The following GLCCI1 variants were observed in gnomAD, a reference collection of about 807,000 sequenced individuals.
GLCCI1 encodes glucocorticoid-induced transcript 1 protein.
Under a neutral mutation model 52.2 loss-of-function variants are expected in GLCCI1, and 24 were observed. The observed-to-expected ratio is 0.46, with a 90% CI of 0.33 to 0.65. The LOEUF (loss-of-function observed/expected upper bound fraction) is 0.65, where lower values mean the gene tolerates loss of function less well. Ranked by LOEUF, GLCCI1 falls within the 30% of genes least tolerant of loss-of-function variation. The pLI, the probability that GLCCI1 is intolerant of heterozygous loss-of-function variation, is 0.02. For synonymous variants in GLCCI1, 310 were observed against 276.5 expected (o/e 1.12, Z -1.20); for missense variants, 704 against 701.5 (o/e 1.00, Z -0.04).
chr7:8,020,001 C>A (rs1207486751), intron 2 of GLCCI1, among the ~76,000 whole-genome samples: 2 of 152,134 alleles, frequency 1.3e-5, no homozygotes, highest in East Asian at 3.9e-4. Flanking sequence ...ACTTTTCTTT[C>A]TTCAGTAATG....
chr7:8,034,727 A>G (rs1781828212), intron 3 of GLCCI1, among the ~76,000 whole-genome samples: 2 of 152,326 alleles, frequency 1.3e-5, no homozygotes, highest in African/African-American at 2.4e-5. Context: ...ACACAGAAAA[A>G]GAAGGAAAAA....
chr7:8,025,728 C>T (rs980752738), intron 3 of GLCCI1, among the ~76,000 whole-genome samples: 4 of 152,166 alleles, frequency 2.6e-5, no homozygotes, highest in Non-Finnish European at 5.9e-5. Flanking sequence ...TGGGTCATCA[C>T]ATGTAGGGGA....
intron 6 of GLCCI1, among the ~76,000 whole-genome samples, chr7:8,077,965 T>G (rs1194540459): frequency 1.3e-5 from 2 of 152,066 alleles, no homozygotes; most frequent in African/African-American, 2.4e-5. Context: ...CCGGGCGCGG[T>G]GGCTCACGCC....
chr7:8,021,265 C>T (rs1250950430), intron 2 of GLCCI1, among the ~76,000 whole-genome samples: 2 of 152,026 alleles, frequency 1.3e-5, no homozygotes, highest in African/African-American at 2.4e-5. Flanking sequence ...TAAATGATAC[C>T]TTTTTCAGCA....
At chr7:8,038,051 A>G (rs1420407270) in intron 3 of GLCCI1, among the ~76,000 whole-genome samples, 1 of 152,204 alleles carries the variant, frequency 6.6e-6, no homozygotes, top group Non-Finnish European at 1.5e-5. Context: ...CCTGGTAGAA[A>G]TTTACAGAAT....
intron 1 of GLCCI1, among the ~76,000 whole-genome samples, chr7:7,984,211 C>T (rs1161314926): frequency 6.6e-6 from 1 of 152,112 alleles, no homozygotes; most frequent in Admixed American, 6.5e-5. Context: ...CAGGCATGTG[C>T]CACCACACCT....
chr7:7,987,433 C>T (rs1013993022), intron 1 of GLCCI1, among the ~76,000 whole-genome samples: 5 of 152,198 alleles, frequency 3.3e-5, no homozygotes, highest in Non-Finnish European at 1.5e-5. Flanking sequence ...AGACACTTGT[C>T]ATCTCATCTG....
chr7:8,002,351 G>A (rs535508345), intron 1 of GLCCI1, among the ~76,000 whole-genome samples: 9 of 152,080 alleles, frequency 5.9e-5, no homozygotes, highest in Non-Finnish European at 7.4e-5. Context: ...TTCATGAAAC[G>A]TTTATAAAAA....
chr7:7,999,153 G>A (rs906960408), intron 1 of GLCCI1, among the ~76,000 whole-genome samples: 1 of 151,940 alleles, frequency 6.6e-6, no homozygotes, highest in Admixed American at 6.6e-5. Context: ...TGTAGAGCAT[G>A]TGATCTTTTT....
chr7:8,060,531 T>C (rs1430384048), intron 5 of GLCCI1, among the ~76,000 whole-genome samples: 1 of 152,204 alleles, frequency 6.6e-6, no homozygotes, highest in Non-Finnish European at 1.5e-5. Context: ...ACTAATCTGT[T>C]GATGGATTTT....
intron 3 of GLCCI1, among the ~76,000 whole-genome samples, chr7:8,049,543 C>T (rs1782210936): frequency 6.6e-6 from 1 of 151,982 alleles, no homozygotes. Flanking sequence ...AAAAACCAGA[C>T]CCAATAGGAA....
chr7:8,061,657 CTTTTTTTTTTTTTTT>C (rs61377819), intron 5 of GLCCI1, among the ~76,000 whole-genome samples: 22 of 78,384 alleles, frequency 2.8e-4, no homozygotes, highest in African/African-American at 1.2e-3. Context: ...CCATTGAACT[CTTTTTTTTTTTTTTT>C]TTTTTTTTTT....
chr7:8,069,673 G>C (rs1294693805), intron 5 of GLCCI1, among the ~76,000 whole-genome samples: 3 of 151,910 alleles, frequency 2.0e-5, no homozygotes, highest in Admixed American at 6.6e-5. Context: ...TCTACTCCAA[G>C]GGCAGCAGGG....
chr7:8,028,982 C>T (rs528717128), intron 3 of GLCCI1, among the ~76,000 whole-genome samples: 1 of 152,102 alleles, frequency 6.6e-6, no homozygotes, highest in South Asian at 2.1e-4. Context: ...AAAGAAAAGC[C>T]TGGGACCCAA....
In GLCCI1 at chr7:8,086,018, A is replaced by C. The variant is rs569150841; in HGVS notation, c.1299-175A>C. Among the ~76,000 whole-genome samples the C allele has an allele frequency of 6.6e-6, 1 of 152,230 alleles. No homozygotes were observed. Among genetic ancestry groups the C allele is most frequent in the African/African-American group, 2.4e-5 (1 of 41,526 alleles). On this transcript the variant is annotated intron_variant, in intron 7 of 7. Transcript: ENST00000223145. The surrounding 1 kb of genome is among the most constrained non-coding windows in gnomAD (Gnocchi z 4.4). The stretch of plus-strand genomic sequence containing the variant: ...CAAATACCACTTCAGTGCTGTGTGC[A>C]TGAATAGTCTGCCAGCTGACTTGTG...
At chr7:7,981,354 ACT>A (rs1780615624) in intron 1 of GLCCI1, 3 of 225,934 alleles carry the variant, frequency 1.3e-5, no homozygotes, top group East Asian at 1.7e-4. Context: ...ATGGAGTCTC[ACT>A]CTGTTGCTTA....
At chr7:8,059,884 G>A (rs1440438489) in intron 4 of GLCCI1, among the ~76,000 whole-genome samples, 1 of 152,012 alleles carries the variant, frequency 6.6e-6, no homozygotes, top group Non-Finnish European at 1.5e-5. Context: ...TTACATAAAG[G>A]GATTTGAAAG....
Position 8,086,170 on chromosome 7 carries a change from C to T in GLCCI1, c.1299-23C>T. 6.4e-7 allele frequency: 1 copy of T among 1,556,262 alleles called. No individual in the cohort carries two copies. On this transcript the variant is annotated intron_variant, in intron 7 of 7. Transcript: ENST00000223145. The surrounding 1 kb of genome is among the most constrained non-coding windows in gnomAD (Gnocchi z 4.4). ...TTTTTCTGTGTTCATGATTATAAAT[C>T]TAATTTTGTTTTATGGTTTTAGGTC...
intron 1 of GLCCI1, among the ~76,000 whole-genome samples, chr7:7,970,056 C>T (rs1218742326): frequency 6.6e-6 from 1 of 152,124 alleles, no homozygotes; most frequent in Non-Finnish European, 1.5e-5. Flanking sequence ...AGAGGTTTTT[C>T]AGTTTAAGAG....
Sources: gnomAD v4.1 joint callset for allele counts (sites outside exome capture counted in the v4.1 genomes callset) on GRCh38, gnomAD v4.1.1 for gene constraint, Gnocchi (gnomAD v3.1) non-coding constraint, MANE v1.5 for transcripts, NCBI Gene and HGNC (gene_info 2026-07-23, HGNC 2026-07-21) for gene names.